The following ADCY3 variants were observed in gnomAD, a reference collection of about 807,000 sequenced individuals.
The protein encoded by ADCY3 is adenylate cyclase type 3.
Under a neutral mutation model 119.4 loss-of-function variants are expected in ADCY3, and 70 were observed. The observed-to-expected ratio is 0.59, with a 90% CI of 0.48 to 0.72. The LOEUF (loss-of-function observed/expected upper bound fraction) is 0.72, where lower values mean the gene tolerates loss of function less well. Ranked by LOEUF, ADCY3 falls within the 30% of genes least tolerant of loss-of-function variation. The pLI is 0.00. For synonymous variants in ADCY3, 672 were observed against 621.4 expected (o/e 1.08, Z -1.21); for missense variants, 1,238 against 1,541.6 (o/e 0.80, Z 3.30).
At chr2:24,870,790 AC>A (rs765739257) in intron 3 of ADCY3, among the ~76,000 whole-genome samples, 26 of 152,164 alleles carry the variant, frequency 1.7e-4, no homozygotes, top group African/African-American at 2.7e-4. Context: ...CACTCGGCCT[AC>A]CTCTAAAAAA....
chr2:24,831,823 G>T (rs1669543557), intron 11 of ADCY3, 74 bp from the exon 12 acceptor site: 2 of 1,012,142 alleles, frequency 2.0e-6, no homozygotes, highest in African/African-American at 1.6e-5. Context: ...GGAGAGGAAG[G>T]GACGGGGATG....
At chr2:24,906,645 T>G (rs954838782) in intron 2 of ADCY3, among the ~76,000 whole-genome samples, 7 of 152,262 alleles carry the variant, frequency 4.6e-5, no homozygotes, top group Non-Finnish European at 8.8e-5. Flanking sequence ...CACCATGCCA[T>G]GCGCTTTGCT....
intron 3 of ADCY3, among the ~76,000 whole-genome samples, chr2:24,859,772 CAGA>C (rs1219991375): frequency 6.6e-5 from 10 of 152,182 alleles, no homozygotes; most frequent in Admixed American, 6.5e-4. Context: ...TGGGTTAAAG[CAGA>C]AGGAGAGGTG....
chr2:24,901,023 C>G (rs1678838137), intron 2 of ADCY3, among the ~76,000 whole-genome samples: 1 of 152,184 alleles, frequency 6.6e-6, no homozygotes, highest in Non-Finnish European at 1.5e-5. Flanking sequence ...CGAGATCATG[C>G]CATTGCACTC....
At chr2:24,822,662 C>T (rs1013824059) in intron 18 of ADCY3, 32 bp from the exon 19 acceptor site, 2 of 1,610,348 alleles carry the variant, frequency 1.2e-6, no homozygotes, top group Non-Finnish European at 1.7e-6. Flanking sequence ...GAATTGTCAG[C>T]AGTCAAGGGA....
chr2:24,867,877 A>G (rs1024760371), intron 3 of ADCY3, among the ~76,000 whole-genome samples: 4 of 152,238 alleles, frequency 2.6e-5, no homozygotes, highest in Non-Finnish European at 4.4e-5. Context: ...CATTATACTA[A>G]TAAGCAGAAA....
At chr2:24,904,494 C>T (rs1161192312) in intron 2 of ADCY3, among the ~76,000 whole-genome samples, 1 of 151,874 alleles carries the variant, frequency 6.6e-6, no homozygotes, top group African/African-American at 2.4e-5. Flanking sequence ...GCACTCCAGC[C>T]TGAGCGACAG....
chr2:24,838,300 G>A, intron 8 of ADCY3, 145 bp downstream of exon 8: 1 of 803,626 alleles, frequency 1.2e-6, no homozygotes. Flanking sequence ...CTTGGGAAGG[G>A]TGCCAGCCTG....
intron 2 of ADCY3, among the ~76,000 whole-genome samples, chr2:24,889,767 C>A (rs1482579187): frequency 6.6e-6 from 1 of 152,186 alleles, no homozygotes; most frequent in African/African-American, 2.4e-5. Flanking sequence ...ACCCGGGAGG[C>A]GGAGGTTGCA....
chr2:24,875,885 T>G (rs1197765998), intron 2 of ADCY3, among the ~76,000 whole-genome samples: 1 of 152,038 alleles, frequency 6.6e-6, no homozygotes, highest in Non-Finnish European at 1.5e-5. Context: ...CATTCAAATC[T>G]CATTATTCTA....
intron 2 of ADCY3, among the ~76,000 whole-genome samples, chr2:24,879,573 T>C (rs1455780803): frequency 6.6e-6 from 1 of 151,598 alleles, no homozygotes; most frequent in South Asian, 2.1e-4. Flanking sequence ...TAGTAACTAA[T>C]AATAACACTT....
chr2:24,878,337 C>T lies in ADCY3; in HGVS notation c.676-5618G>A, dbSNP rs894790728. 2.6e-5 allele frequency among the ~76,000 whole-genome samples: 4 copies of T among 152,220 alleles called. No individual in the cohort carries two copies. The highest frequency in any genetic ancestry group is 1.9e-4 in the East Asian group (1 of 5,170). On this transcript the variant is annotated intron_variant, in intron 2 of 21. Transcript: ENST00000679454. The surrounding 1 kb of genome is among the most constrained non-coding windows in gnomAD (Gnocchi z 4.0). Reference sequence around the variant, plus strand: ...AGATCCTTCACGTTTGCTAACAACCCGTAGGGAAATGGGGCTGCTCTAAGT... The same window carrying T: ...AGATCCTTCACGTTTGCTAACAACCTGTAGGGAAATGGGGCTGCTCTAAGT...
chr2:24,898,766 C>T lies in ADCY3; in HGVS notation c.675+19547G>A, dbSNP rs1478884716. Among the ~76,000 whole-genome samples the T allele has an allele frequency of 6.6e-6, 1 of 152,164 alleles. No homozygotes were observed. Among genetic ancestry groups the T allele is most frequent in the African/African-American group, 2.4e-5 (1 of 41,438 alleles). On this transcript the variant is annotated intron_variant, in intron 2 of 21. Transcript: ENST00000679454. This position sits in a 1 kb window ranked among gnomAD's most constrained non-coding sequence, Gnocchi z 4.3. ...AGCCTGGGAGGTTCGGGGAAGCAAA[C>T]AGAATTCCTAAGACTGGGAGAACAA... is the stretch of plus-strand genomic sequence containing the variant.
Position 24,853,008 on chromosome 2 carries a change from GTGT to G in ADCY3, c.826-10627_826-10625del, listed in dbSNP as rs1672537146. Among the ~76,000 whole-genome samples, 327 of 87,584 alleles carry G rather than the reference GTGT, an allele frequency of 3.7e-3. 9 individuals are homozygous for G. Among genetic ancestry groups the G allele is most frequent in the African/African-American group, 8.5e-3 (283 of 33,484 alleles). The allele number at this position is 87,584 out of a possible 152,430, so 57.5% of individuals were successfully genotyped here. Reference sequence around the variant, plus strand: ...TGAAGGAAAGGAACAGCTGGAGGGTGTGTGTGTGTGTGTGTGTGTGTGTGTGTG... The same window carrying G: ...TGAAGGAAAGGAACAGCTGGAGGGTGGTGTGTGTGTGTGTGTGTGTGTGTG... On this transcript the variant is annotated intron_variant, in intron 3 of 21. Coordinates refer to ENST00000679454, the MANE Select transcript of ADCY3 (RefSeq NM_004036.5).
At chr2:24,831,954 G>A (rs1309116259) in intron 11 of ADCY3, among the ~76,000 whole-genome samples, 1 of 117,542 alleles carries the variant, frequency 8.5e-6, no homozygotes, top group South Asian at 3.1e-4. Context: ...AGCAGACAGG[G>A]GCAGGGGCCA....
At chr2:24,850,101 A>G (rs1052793513) in intron 3 of ADCY3, among the ~76,000 whole-genome samples, 2 of 149,592 alleles carry the variant, frequency 1.3e-5, no homozygotes, top group Admixed American at 6.6e-5. Context: ...CCCTCCCCAC[A>G]CCTTCGACAC....
At chr2:24,879,146 C>T (rs190002932) in intron 2 of ADCY3, among the ~76,000 whole-genome samples, 2 of 152,126 alleles carry the variant, frequency 1.3e-5, no homozygotes, top group African/African-American at 4.8e-5. Context: ...GGCTCCTCAC[C>T]CTTGCAGTAA....
intron 3 of ADCY3, among the ~76,000 whole-genome samples, chr2:24,854,255 A>G (rs1158753990): frequency 6.6e-6 from 1 of 152,220 alleles, no homozygotes; most frequent in Non-Finnish European, 1.5e-5. Context: ...GTAAGATAGT[A>G]ATGACTAATC....
At chr2:24,875,359 C>G (rs1249362394) in intron 2 of ADCY3, among the ~76,000 whole-genome samples, 1 of 152,260 alleles carries the variant, frequency 6.6e-6, no homozygotes, top group Non-Finnish European at 1.5e-5. Context: ...TCCCCCACCC[C>G]ACCCCCCGTG....
Sources: gnomAD v4.1 joint callset for allele counts (sites outside exome capture counted in the v4.1 genomes callset) on GRCh38, gnomAD v4.1.1 for gene constraint, Gnocchi (gnomAD v3.1) non-coding constraint, MANE v1.5 for transcripts, NCBI Gene and HGNC (gene_info 2026-07-23, HGNC 2026-07-21) for gene names.